The following AP2B1 variants were observed in gnomAD, a reference collection of about 807,000 sequenced individuals.
AP2B1 encodes the protein adaptor related protein complex 2 subunit beta 1, also known as AP-2 complex subunit beta.
A neutral mutation model predicts 102.0 loss-of-function variants in AP2B1; 23 were observed. That is an observed-to-expected ratio of 0.23 (90% CI 0.16 to 0.32). The LOEUF is 0.32. AP2B1 is among the 10% of genes least tolerant of loss of function. The pLI is 1.00. For synonymous variants in AP2B1, 381 were observed against 421.2 expected (o/e 0.90, Z 1.17); for missense variants, 541 against 1,157.4 (o/e 0.47, Z 7.73).
Position 35,723,783 on chromosome 17 carries a change from A to G in AP2B1, c.*84A>G. ...ACTGGAAGAAATTGTATTGCTGCGT[A>G]GAATCTGAACACACTGAGGCCACCT... On this transcript the variant is annotated 3_prime_UTR_variant, in exon 22 of 22. Transcript: ENST00000610402. 1 of 1,071,398 alleles carries G rather than the reference A, an allele frequency of 9.3e-7. No individual in the cohort carries two copies. Among genetic ancestry groups the G allele is most frequent in the Non-Finnish European group, 1.4e-6 (1 of 692,886 alleles). 66.4% of individuals were successfully genotyped at this position (1,071,398 alleles called of 1,614,324 possible). A position where few individuals can be genotyped will look rare whatever the true frequency, so the allele number is the denominator to read the frequency against.
chr17:35,621,310 T>C, intron 5 of AP2B1: 1 of 985,394 alleles, frequency 1.0e-6, no homozygotes. Context: ...AAGTTTTCAT[T>C]GAAGAGTGAG....
At chr17:35,607,885 C>T (rs574542479) in intron 4 of AP2B1, 23 of 439,022 alleles carry the variant, frequency 5.2e-5, no homozygotes, top group African/African-American at 4.4e-4. Context: ...AAACCTCTGC[C>T]TGGCACTAGA....
At chr17:35,594,777 A>G (rs1332401991) in intron 2 of AP2B1, among the ~76,000 whole-genome samples, 1 of 152,184 alleles carries the variant, frequency 6.6e-6, no homozygotes, top group Non-Finnish European at 1.5e-5. Context: ...CATCTTTGTT[A>G]TCAGTAATAT....
chr17:35,668,645 A>T (rs539966186), intron 14 of AP2B1, among the ~76,000 whole-genome samples: 1 of 152,214 alleles, frequency 6.6e-6, no homozygotes, highest in Non-Finnish European at 1.5e-5. Context: ...CTTATTTTGT[A>T]TGAGTATTTT....
chr17:35,705,733 G>T (rs968744618), intron 18 of AP2B1, among the ~76,000 whole-genome samples: 1 of 152,082 alleles, frequency 6.6e-6, no homozygotes, highest in Non-Finnish European at 1.5e-5. Flanking sequence ...TGTTGGCCAG[G>T]CTGGTCTCAA....
At chr17:35,667,491 T>C (rs2075492619) in intron 14 of AP2B1, among the ~76,000 whole-genome samples, 1 of 152,210 alleles carries the variant, frequency 6.6e-6, no homozygotes, top group South Asian at 2.1e-4. Context: ...TCAAGATTGC[T>C]TTTCAGTTCT....
chr17:35,621,254 T>C (rs2074167794), intron 5 of AP2B1: 1 of 963,536 alleles, frequency 1.0e-6, no homozygotes, highest in Non-Finnish European at 1.2e-6. Flanking sequence ...TCAAAGTTAG[T>C]CTTTTTCTTT....
chr17:35,706,648 CTT>C (rs879890152), intron 18 of AP2B1, among the ~76,000 whole-genome samples: 5 of 145,782 alleles, frequency 3.4e-5, no homozygotes, highest in Admixed American at 2.1e-4. Flanking sequence ...CCAGTTTTCA[CTT>C]TTTTTTTTTT....
intron 9 of AP2B1, among the ~76,000 whole-genome samples, chr17:35,630,978 G>A (rs1328762703): frequency 3.3e-5 from 5 of 152,212 alleles, no homozygotes; most frequent in East Asian, 1.9e-4. Context: ...ATGATTGCCT[G>A]TTTGCACTAA....
At chr17:35,682,260 CA>C (rs11287908) in intron 17 of AP2B1, among the ~76,000 whole-genome samples, 116,028 of 134,736 alleles carry the variant, frequency 0.86, 49,887 homozygotes, top group African/African-American at 0.96. Context: ...ACCCTATCTC[CA>C]AAAAAAAAAA....
At chr17:35,680,363 C>T (rs1044467783) in intron 17 of AP2B1, among the ~76,000 whole-genome samples, 1 of 151,784 alleles carries the variant, frequency 6.6e-6, no homozygotes, top group Admixed American at 6.6e-5. Flanking sequence ...ATTTTGTTTT[C>T]TTCTTTTTTT....
chr17:35,668,026 C>T (rs558715154), intron 14 of AP2B1, among the ~76,000 whole-genome samples: 109 of 151,018 alleles, frequency 7.2e-4, no homozygotes, highest in Middle Eastern at 6.8e-3. Context: ...CAACCTCTGC[C>T]TCCCAGGTTT....
chr17:35,607,105 A>C (rs1469058498), intron 4 of AP2B1, among the ~76,000 whole-genome samples: 4 of 152,122 alleles, frequency 2.6e-5, no homozygotes, highest in Non-Finnish European at 5.9e-5. Flanking sequence ...GGGTTTCACC[A>C]TATTGGCCAG....
intron 2 of AP2B1, among the ~76,000 whole-genome samples, chr17:35,597,307 G>A (rs1193784290): frequency 1.3e-5 from 2 of 152,022 alleles, no homozygotes; most frequent in African/African-American, 4.8e-5. Flanking sequence ...TTTTTTTTCC[G>A]TTTCTTTTAA....
intron 14 of AP2B1, among the ~76,000 whole-genome samples, chr17:35,670,638 A>C (rs4796100): frequency 0.86 from 131,557 of 152,146 alleles, 57,216 homozygotes; most frequent in East Asian, 0.97. Context: ...CGTCTTCTTT[A>C]CAAGTTTTCT....
At chr17:35,596,040 A>G (rs552235034) in intron 2 of AP2B1, among the ~76,000 whole-genome samples, 1 of 152,308 alleles carries the variant, frequency 6.6e-6, no homozygotes, top group East Asian at 1.9e-4. Context: ...CACTGCTAAT[A>G]AACATCATAC....
chr17:35,621,840 A>G (rs1213952744), intron 5 of AP2B1, among the ~76,000 whole-genome samples: 1 of 151,834 alleles, frequency 6.6e-6, no homozygotes, highest in Non-Finnish European at 1.5e-5. Context: ...TATATTTCCT[A>G]TTACTAGACC....
intron 6 of AP2B1, among the ~76,000 whole-genome samples, chr17:35,625,848 A>G (rs1476497793): frequency 6.6e-6 from 1 of 152,152 alleles, no homozygotes; most frequent in Non-Finnish European, 1.5e-5. Flanking sequence ...ACCCAAAGGA[A>G]GTCAGGAATA....
At chr17:35,588,432 G>C (rs370453267) in intron 1 of AP2B1, among the ~76,000 whole-genome samples, 1 of 152,086 alleles carries the variant, frequency 6.6e-6, no homozygotes, top group Non-Finnish European at 1.5e-5. Flanking sequence ...GTGAGCCAGC[G>C]CGCCCAGCCA....
Sources: allele counts gnomAD v4.1 joint callset (sites outside exome capture counted in the v4.1 genomes callset), GRCh38; gene constraint gnomAD v4.1.1; transcripts MANE v1.5; gene names NCBI Gene and HGNC (gene_info 2026-07-23, HGNC 2026-07-21).